The following HOPX variants were observed in gnomAD, a reference collection of about 807,000 sequenced individuals.
HOPX encodes HOP homeobox.
A neutral mutation model predicts 11.8 loss-of-function variants in HOPX; 5 were observed. The ratio of observed to expected loss-of-function variants is 0.43; its 90% CI spans 0.22 to 0.89. The LOEUF is 0.89. Among genes scored for constraint, HOPX ranks in the 40% least tolerant of loss-of-function variants. The pLI, the probability that HOPX is intolerant of heterozygous loss-of-function variation, is 0.28. For synonymous variants in HOPX, 49 were observed against 49.7 expected, an observed-to-expected ratio of 0.99 and a Z score of 0.06; for missense variants, 119 against 120.0, an observed-to-expected ratio of 0.99 and a Z score of 0.04.
Position 56,648,747 on chromosome 4 carries a change from G to A in HOPX, c.249C>T (p.Pro83=). ...AGTCTGTGACGGATCTGCACTCTGA[G>A]GGCAGGCCTTCTGAGCGCCGCCACT... is the stretch of plus-strand genomic sequence containing the variant. ...LAKWRRSEGL[P]SECRSVTD Residue 83 remains proline (P), a synonymous_variant, in exon 4 of 4, where the codon CCC becomes CCT. Coordinates refer to ENST00000420433, the MANE Select transcript of HOPX (RefSeq NM_032495.6). 6.2e-7 allele frequency: 1 copy of A among 1,610,962 alleles called. No individual in the cohort carries two copies. Among genetic ancestry groups the A allele is most frequent in the Non-Finnish European group, 8.5e-7 (1 of 1,177,360 alleles).
At chr4:56,666,251 A>C (rs1238069682) in intron 1 of HOPX, among the ~76,000 whole-genome samples, 1 of 152,206 alleles carries the variant, frequency 6.6e-6, no homozygotes, top group Non-Finnish European at 1.5e-5. Context: ...TAGAATACAA[A>C]CAAGAAACGT....
intron 1 of HOPX, chr4:56,678,912 T>C (rs1420678750): frequency 1.3e-5 from 2 of 152,276 alleles, no homozygotes; most frequent in Non-Finnish European, 2.9e-5. Context: ...TCATCTTTTA[T>C]GTTCAGCATG....
upstream of HOPX, chr4:56,681,374 A>G (rs202139820): frequency 5.9e-4 from 584 of 985,402 alleles, no homozygotes; most frequent in African/African-American, 8.9e-3. Context: ...ATTTACGCCT[A>G]TGAGCACACA....
At position 56,655,145 on chromosome 4, in the gene HOPX, G is replaced by A. The variant is rs372553820; in HGVS notation, c.198+712C>T. On this transcript the variant is annotated intron_variant, in intron 3 of 3. Coordinates refer to ENST00000420433, the MANE Select transcript of HOPX (RefSeq NM_032495.6). Reference sequence around the variant, plus strand: ...TAGGGGGACATCGGCTGCCGCTGCCGTCAGCTGAAATGTTAGCTATCTACC... The same window carrying A: ...TAGGGGGACATCGGCTGCCGCTGCCATCAGCTGAAATGTTAGCTATCTACC... Among the ~76,000 whole-genome samples the A allele has an allele frequency of 1.8e-3, 279 of 152,296 alleles. 7 individuals are homozygous for A. In the South Asian group the frequency reaches 0.047, roughly 25 times the overall value.
In HOPX at chr4:56,648,753, G is replaced by A. The variant is rs1015973574; in HGVS notation, c.243C>T (p.Gly81=). 6.2e-6 allele frequency: 10 copies of A among 1,610,894 alleles called. No individual in the cohort carries two copies. Among genetic ancestry groups the A allele is most frequent in the African/African-American group, 1.3e-5 (1 of 75,042 alleles). ...QRLAKWRRSE[G]LPSECRSVTD ...TGACGGATCTGCACTCTGAGGGCAGGCCTTCTGAGCGCCGCCACTTTGCCA... is the reference window on the plus strand; with the variant it reads ...TGACGGATCTGCACTCTGAGGGCAGACCTTCTGAGCGCCGCCACTTTGCCA... Residue 81 remains glycine (G), a synonymous_variant, in exon 4 of 4, where the codon GGC becomes GGT. Coordinates refer to ENST00000420433, the MANE Select transcript of HOPX (RefSeq NM_032495.6).
upstream of HOPX, chr4:56,681,323 AATAG>A (rs1719310881): frequency 1.0e-6 from 1 of 985,302 alleles, no homozygotes; most frequent in Non-Finnish European, 1.2e-6. Context: ...AGCCTGCTTA[AATAG>A]CTGGGCTGGC....
chr4:56,657,675 G>C (rs918951322), intron 2 of HOPX, 100 bp downstream of exon 2: 1 of 718,838 alleles, frequency 1.4e-6, no homozygotes, highest in Non-Finnish European at 2.6e-6. Context: ...CTAGGCAGGA[G>C]AGGGTCATAC....
intron 1 of HOPX, among the ~76,000 whole-genome samples, chr4:56,661,887 AACTAATT>A (rs1718157184): frequency 6.6e-6 from 1 of 152,342 alleles, no homozygotes; most frequent in East Asian, 1.9e-4. Flanking sequence ...ATGTATGGAA[AACTAATT>A]ACTAAGACCC....
At chr4:56,651,981 C>T (rs73161285) in intron 3 of HOPX, among the ~76,000 whole-genome samples, 52 of 151,658 alleles carry the variant, frequency 3.4e-4, no homozygotes, top group African/African-American at 1.2e-3. Flanking sequence ...GATTTCCCAG[C>T]CTCTTCTAAA....
intron 3 of HOPX, chr4:56,650,818 T>G (rs577844459): frequency 6.5e-7 from 1 of 1,540,640 alleles, no homozygotes; most frequent in African/African-American, 1.4e-5. Context: ...CTACCCTTCA[T>G]GAGAAGAGAG....
At chr4:56,673,631 A>G (rs370312145) in intron 1 of HOPX, among the ~76,000 whole-genome samples, 1 of 152,188 alleles carries the variant, frequency 6.6e-6, no homozygotes, top group Non-Finnish European at 1.5e-5. Flanking sequence ...ATGCTTTTCA[A>G]CACCATCATT....
At chr4:56,677,795 T>G (rs1719093052) in intron 1 of HOPX, among the ~76,000 whole-genome samples, 2 of 151,526 alleles carry the variant, frequency 1.3e-5, no homozygotes, top group South Asian at 4.1e-4. Flanking sequence ...TGCCTGGGCC[T>G]GACCTGGAAG....
intron 1 of HOPX, among the ~76,000 whole-genome samples, chr4:56,673,363 G>A (rs770644651): frequency 1.3e-5 from 2 of 151,922 alleles, no homozygotes; most frequent in Admixed American, 1.3e-4. Context: ...CATGAATTAA[G>A]GACTATGTTA....
At chr4:56,654,854 G>C (rs1717524818) in intron 3 of HOPX, among the ~76,000 whole-genome samples, 1 of 152,196 alleles carries the variant, frequency 6.6e-6, no homozygotes, top group Non-Finnish European at 1.5e-5. Flanking sequence ...CTCTGCTTTA[G>C]AGTTGAGGTT....
intron 1 of HOPX, among the ~76,000 whole-genome samples, chr4:56,667,575 C>T (rs1718509534): frequency 6.6e-6 from 1 of 152,212 alleles, no homozygotes; most frequent in Non-Finnish European, 1.5e-5. Flanking sequence ...GTCTACCAGA[C>T]AGATTCCTAT....
intron 1 of HOPX, chr4:56,665,232 A>G (rs1320920049): frequency 6.6e-6 from 1 of 152,266 alleles, no homozygotes; most frequent in Non-Finnish European, 1.5e-5. Flanking sequence ...TGCTGGGATT[A>G]TAGGCATGAG....
Position 56,655,918 on chromosome 4 carries a change from G to C in HOPX, c.137C>G (p.Pro46Arg), listed in dbSNP as rs369797836. The change falls in exon 3 of 4, where the codon CCG becomes CGG. Residue 46 changes from proline (P) to arginine (R), a missense_variant. By Grantham distance (103) the Pro-to-Arg change is moderately radical. Transcript: ENST00000420433. ...EYNFNKVDKH[P>R]DSTTLCLIAA... ...GATGAGGCACAGCGTGGTGGAATCC[G>C]GGTGCTTGTCGACCTTGTTGAAGTT... is the stretch of plus-strand genomic sequence containing the variant. 3.7e-6 allele frequency: 6 copies of C among 1,611,904 alleles called. No homozygotes were observed. The African/African-American group carries it at 5.3e-5, about 14-fold the overall frequency.
At chr4:56,668,434 C>G (rs1383422300) in intron 1 of HOPX, among the ~76,000 whole-genome samples, 1 of 152,210 alleles carries the variant, frequency 6.6e-6, no homozygotes, top group African/African-American at 2.4e-5. Flanking sequence ...AAGATTTTGG[C>G]CTTTCATTTC....
chr4:56,669,861 A>G (rs543963239), intron 1 of HOPX, among the ~76,000 whole-genome samples: 3 of 152,276 alleles, frequency 2.0e-5, no homozygotes, highest in African/African-American at 7.2e-5. Flanking sequence ...GGGATAAGCA[A>G]AATGCAGGTC....
Sources: gnomAD v4.1 joint callset for allele counts (sites outside exome capture counted in the v4.1 genomes callset) on GRCh38, gnomAD v4.1.1 for gene constraint, MANE v1.5 for transcripts, NCBI Gene and HGNC (gene_info 2026-07-23, HGNC 2026-07-21) for gene names.